The following SLC24A2 variants were observed in gnomAD, a reference collection of about 807,000 sequenced individuals.
SLC24A2 encodes solute carrier family 24 member 2, also known as sodium/potassium/calcium exchanger 2.
A neutral mutation model predicts 62.0 loss-of-function variants in SLC24A2; 36 were observed. The observed-to-expected ratio is 0.58, with a 90% CI of 0.44 to 0.77. SLC24A2 has a LOEUF of 0.77. SLC24A2 is among the 30% of genes least tolerant of loss of function. The probability of loss-of-function intolerance (pLI) is 0.00; values close to 1 mark genes in which losing one functional copy is unlikely to be tolerated. For missense variants in SLC24A2, 846 were observed against 817.9 expected, an observed-to-expected ratio of 1.03 and a Z score of -0.42; for synonymous variants, 358 against 294.0, an observed-to-expected ratio of 1.22 and a Z score of -2.23.
the SLC24A2 span, among the ~76,000 whole-genome samples, chr9:20,043,168 C>T: frequency 6.6e-6 from 1 of 152,200 alleles, no homozygotes; most frequent in African/African-American, 2.4e-5. Context: ...AAAGCTAGGG[C>T]TCTTGCACCA....
At chr9:20,198,514 T>C in the SLC24A2 span, among the ~76,000 whole-genome samples, 2 of 152,184 alleles carry the variant, frequency 1.3e-5, no homozygotes, top group African/African-American at 2.4e-5. Flanking sequence ...TTTAACAAGC[T>C]TCCCAGACAG....
intron 2 of SLC24A2, among the ~76,000 whole-genome samples, chr9:19,710,417 T>C (rs1820680311): frequency 1.3e-5 from 2 of 151,906 alleles, no homozygotes; most frequent in African/African-American, 4.8e-5. Context: ...AGGGGGGTGG[T>C]GGCGGTAAAG....
chr9:19,887,129 G>A, the SLC24A2 span, among the ~76,000 whole-genome samples: 112 of 152,254 alleles, frequency 7.4e-4, 2 homozygotes, highest in Non-Finnish European at 1.4e-3. Flanking sequence ...GAGTTGATAG[G>A]TGCAGCAAAT....
chr9:19,598,231 C>T (rs1400459256), intron 4 of SLC24A2, among the ~76,000 whole-genome samples: 2 of 152,178 alleles, frequency 1.3e-5, no homozygotes, highest in East Asian at 3.8e-4. Flanking sequence ...ACCACTCTCC[C>T]AATAAACTTC....
chr9:20,077,106 GA>G, the SLC24A2 span, among the ~76,000 whole-genome samples: 20 of 151,994 alleles, frequency 1.3e-4, no homozygotes, highest in Non-Finnish European at 2.8e-4. Flanking sequence ...GGTTCAAATA[GA>G]GAATAAAAAA....
At chr9:20,096,113 G>A in the SLC24A2 span, among the ~76,000 whole-genome samples, 27 of 147,942 alleles carry the variant, frequency 1.8e-4, no homozygotes, top group East Asian at 4.5e-3. Context: ...CCGTCCGTCC[G>A]TCCGTCCGTC....
the SLC24A2 span, among the ~76,000 whole-genome samples, chr9:20,025,750 G>C: frequency 6.6e-6 from 1 of 152,136 alleles, no homozygotes; most frequent in African/African-American, 2.4e-5. Context: ...CATAACCTTT[G>C]GCTGGTATGG....
At chr9:20,021,338 G>C in the SLC24A2 span, among the ~76,000 whole-genome samples, 1 of 151,536 alleles carries the variant, frequency 6.6e-6, no homozygotes. Flanking sequence ...ATGAAGAATT[G>C]TGGGACAGAT....
chr9:20,258,675 T>C, the SLC24A2 span, among the ~76,000 whole-genome samples: 1 of 152,170 alleles, frequency 6.6e-6, no homozygotes, highest in Admixed American at 6.5e-5. Flanking sequence ...TATTGGCTTT[T>C]CTGGTTCGCC....
intron 2 of SLC24A2, among the ~76,000 whole-genome samples, chr9:19,732,130 C>T (rs1472335064): frequency 1.3e-5 from 2 of 151,910 alleles, no homozygotes; most frequent in African/African-American, 4.8e-5. Context: ...AAAACTCTTC[C>T]TGGTGAACTT....
chr9:19,884,601 T>C, the SLC24A2 span, among the ~76,000 whole-genome samples: 2 of 152,214 alleles, frequency 1.3e-5, no homozygotes, highest in African/African-American at 4.8e-5. Flanking sequence ...TATTCTTATA[T>C]ATAAACATAT....
At chr9:20,178,458 T>A in the SLC24A2 span, among the ~76,000 whole-genome samples, 1 of 152,164 alleles carries the variant, frequency 6.6e-6, no homozygotes. Context: ...TGAAAGCTAC[T>A]GACATCTGAT....
the SLC24A2 span, among the ~76,000 whole-genome samples, chr9:20,014,912 T>C: frequency 6.6e-6 from 1 of 152,186 alleles, no homozygotes; most frequent in Non-Finnish European, 1.5e-5. Context: ...GATACGTAAG[T>C]ATGGTGATAG....
intron 5 of SLC24A2, among the ~76,000 whole-genome samples, chr9:19,585,065 A>C (rs894922577): frequency 6.6e-6 from 1 of 152,162 alleles, no homozygotes; most frequent in South Asian, 2.1e-4. Context: ...TCAAGTGGTG[A>C]CCAAACCCAT....
chr9:19,732,824 C>A (rs1187481624), intron 2 of SLC24A2, among the ~76,000 whole-genome samples: 1 of 152,068 alleles, frequency 6.6e-6, no homozygotes, highest in Non-Finnish European at 1.5e-5. Flanking sequence ...GCCTGTCAGG[C>A]TGGAGAAAAG....
the SLC24A2 span, among the ~76,000 whole-genome samples, chr9:20,024,433 G>T: frequency 2.6e-5 from 4 of 152,164 alleles, no homozygotes; most frequent in Admixed American, 1.3e-4. Context: ...ACAGGAATTG[G>T]CCTTCCTGGC....
chr9:19,938,922 A>C, the SLC24A2 span, among the ~76,000 whole-genome samples: 1 of 152,244 alleles, frequency 6.6e-6, no homozygotes, highest in East Asian at 1.9e-4. Context: ...AACAAAAAAC[A>C]AAGAAATCAA....
At chr9:19,527,552 G>C (rs1833496137) in intron 9 of SLC24A2, among the ~76,000 whole-genome samples, 1 of 152,208 alleles carries the variant, frequency 6.6e-6, no homozygotes, top group Non-Finnish European at 1.5e-5. Flanking sequence ...TACTGAGAGT[G>C]TATTCTTGTG....
the SLC24A2 span, among the ~76,000 whole-genome samples, chr9:20,007,879 CTTTTTTTTTTTTTTTTTTT>C: frequency 0.017 from 654 of 39,552 alleles, 44 homozygotes; most frequent in South Asian, 0.29. Context: ...TTACTCCTCT[CTTTTTTTTTTTTTTTTTTT>C]TTTTTTTTTT....
Sources: gnomAD v4.1 joint callset for allele counts (sites outside exome capture counted in the v4.1 genomes callset) on GRCh38, gnomAD v4.1.1 for gene constraint, MANE v1.5 for transcripts, NCBI Gene and HGNC (gene_info 2026-07-23, HGNC 2026-07-21) for gene names.